The following POLG2 variants were observed in gnomAD, a reference collection of about 807,000 sequenced individuals.
POLG2 encodes DNA polymerase subunit gamma-2.
POLG2 carries 50 observed loss-of-function variants against 56.5 expected under a neutral mutation model. The ratio of observed to expected loss-of-function variants is 0.88; its 90% CI spans 0.71 to 1.12. The LOEUF is 1.12. POLG2 is among the 50% of genes most tolerant of loss of function. The probability of loss-of-function intolerance (pLI) is 0.00; values close to 1 mark genes in which losing one functional copy is unlikely to be tolerated. For missense variants in POLG2, 584 were observed against 583.3 expected (o/e 1.00, Z -0.01); for synonymous variants, 226 against 222.6 (o/e 1.02, Z -0.14).
chr17:64,480,744 G>A (rs1430287453), intron 6 of POLG2, among the ~76,000 whole-genome samples: 1 of 152,152 alleles, frequency 6.6e-6, no homozygotes, highest in Non-Finnish European at 1.5e-5. Context: ...TATGAACTCA[G>A]AGCCCTCATC....
intron 7 of POLG2, among the ~76,000 whole-genome samples, chr17:64,478,495 A>T (rs1331641345): frequency 6.6e-6 from 1 of 152,210 alleles, no homozygotes; most frequent in Non-Finnish European, 1.5e-5. Context: ...TATGCTTACC[A>T]AGTCACACTA....
chr17:64,491,583 C>T, intron 3 of POLG2: 1 of 1,551,100 alleles, frequency 6.4e-7, no homozygotes, highest in South Asian at 1.1e-5. Context: ...AGGGGAGCTG[C>T]CAAGCTGGAT....
At chr17:64,492,150 C>T (rs1168727736) in intron 3 of POLG2, among the ~76,000 whole-genome samples, 3 of 152,142 alleles carry the variant, frequency 2.0e-5, no homozygotes, top group African/African-American at 7.2e-5. Flanking sequence ...CTCATTCTTA[C>T]CCTTCTGCGA....
At chr17:64,493,800 T>A (rs1555669016) in intron 1 of POLG2, among the ~76,000 whole-genome samples, 1 of 152,200 alleles carries the variant, frequency 6.6e-6, no homozygotes, top group Non-Finnish European at 1.5e-5. Flanking sequence ...TTTTCAAATC[T>A]ATAAGAAAGT....
At chr17:64,489,931 GTT>G (rs782470895) in intron 4 of POLG2, among the ~76,000 whole-genome samples, 1 of 143,466 alleles carries the variant, frequency 7.0e-6, no homozygotes. Flanking sequence ...TAATTTTTTT[GTT>G]TTTTTTTTTT....
rs782309871 is a variant in POLG2, at chr17:64,477,960, CTG to C, written c.1319_1320del (p.Thr440SerfsTer5). On this transcript the variant is annotated frameshift_variant, in exon 8 of 8. Coordinates refer to ENST00000539111, the MANE Select transcript of POLG2 (RefSeq NM_007215.4). LOFTEE classifies it high-confidence loss of function. ...TCCAAAGTAGTTTCAGTAACCAAAA[CTG>C]TGAAGAGAATACTCATTTCATCATA... The part of the protein sequence containing the change: ...SKYDEMSILF[T>X]VLVTETTLEN... 1.4e-5 allele frequency: 23 copies of C among 1,613,800 alleles called. No individual in the cohort carries two copies. Among genetic ancestry groups the C allele is most frequent in the Non-Finnish European group, 1.4e-5 (16 of 1,179,942 alleles).
At chr17:64,486,197 G>A (rs1348712613) in intron 4 of POLG2, among the ~76,000 whole-genome samples, 1 of 152,122 alleles carries the variant, frequency 6.6e-6, no homozygotes, top group Non-Finnish European at 1.5e-5. Flanking sequence ...TCATCAGCGA[G>A]GCCCAAATGT....
chr17:64,492,398 A>G (rs1379051725), intron 3 of POLG2, among the ~76,000 whole-genome samples: 2 of 152,230 alleles, frequency 1.3e-5, no homozygotes, highest in African/African-American at 4.8e-5. Context: ...CAAACTCTAC[A>G]TCAGCCAGGA....
In POLG2 at chr17:64,490,817, A is replaced by C. The variant is rs782818005; in HGVS notation, c.948T>G (p.Pro316=). The change falls in exon 4 of 8, where the codon CCT becomes CCG. Residue 316 remains proline, a synonymous_variant. Transcript: ENST00000539111. ...LGDHELLHMY[P]GNVSKLHGRD... is the part of the protein sequence containing the mutation. Reference sequence around the variant, plus strand: ...ATACATGTAATTTAGACACATTGCCAGGATACATGTGTAAAAGTTCGTGAT... The same window carrying C: ...ATACATGTAATTTAGACACATTGCCCGGATACATGTGTAAAAGTTCGTGAT... The C allele has an allele frequency of 6.2e-7, 1 of 1,613,004 alleles. No homozygotes were observed. The highest frequency in any genetic ancestry group is 1.1e-5 in the South Asian group (1 of 91,054).
intron 1 of POLG2, among the ~76,000 whole-genome samples, 181 bp downstream of exon 1, chr17:64,496,226 C>A (rs2038148153): frequency 6.6e-6 from 1 of 152,172 alleles, no homozygotes; most frequent in Non-Finnish European, 1.5e-5. Flanking sequence ...AGCAATGATT[C>A]CATGGACCAG....
intron 4 of POLG2, among the ~76,000 whole-genome samples, chr17:64,488,686 G>A (rs2038000458): frequency 6.6e-6 from 1 of 152,244 alleles, no homozygotes; most frequent in African/African-American, 2.4e-5. Context: ...CCAAAATGAA[G>A]TGTGATGGTG....
At chr17:64,485,470 G>A (rs782085485) in intron 5 of POLG2, 8 of 464,288 alleles carry the variant, frequency 1.7e-5, no homozygotes, top group Admixed American at 6.8e-5. Context: ...CAGGGGCTAG[G>A]AGTCATAGAG....
At chr17:64,491,002 A>G in intron 3 of POLG2, 33 bp from the exon 4 acceptor site, 1 of 1,515,668 alleles carries the variant, frequency 6.6e-7, no homozygotes, top group Non-Finnish European at 9.2e-7. Flanking sequence ...GTCTTAACAT[A>G]TTTAAATAAA....
chr17:64,491,112 TAA>T, intron 3 of POLG2, 143 bp from the exon 4 acceptor site: 1 of 702,830 alleles, frequency 1.4e-6, no homozygotes, highest in Non-Finnish European at 2.4e-6. Context: ...ATACAAATTT[TAA>T]AGTTTATTCT....
Position 64,490,909 on chromosome 17 carries a change from C to G in POLG2, c.856G>C (p.Gly286Arg). ...SDCQDEEGRK[G>R]NKLYYNFPWG... is the part of the protein sequence containing the mutation. The stretch of plus-strand genomic sequence containing the variant: ...GGAAAATTGTAGTAAAGTTTGTTTC[C>G]TTTCCGGCCTTCTTCATCCTGACAG... Residue 286 changes from glycine to arginine, a missense_variant, in exon 4 of 8, where the codon GGA (glycine) becomes CGA (arginine). Physicochemically the swap from Gly to Arg is moderately radical, Grantham distance 125. Transcript: ENST00000539111. The G allele has an allele frequency of 6.2e-7, 1 of 1,613,912 alleles. No individual in the cohort carries two copies. Among genetic ancestry groups the G allele is most frequent in the Non-Finnish European group, 8.5e-7 (1 of 1,179,830 alleles).
chr17:64,477,966 A>G lies in POLG2; in HGVS notation c.1315T>C (p.Phe439Leu), dbSNP rs2037794198. 3 of 1,613,972 alleles carry G rather than the reference A, an allele frequency of 1.9e-6. No individual in the cohort carries two copies. The highest frequency in any genetic ancestry group is 1.7e-4 in the Middle Eastern group (1 of 6,046). Residue 439 changes from phenylalanine (F) to leucine (L), a missense_variant, in exon 8 of 8, where the codon TTC becomes CTC. Transcript: ENST00000539111. ...YSKYDEMSIL[F>L]TVLVTETTLE... Reference sequence around the variant, plus strand: ...GTAGTTTCAGTAACCAAAACTGTGAAGAGAATACTCATTTCATCATACCTA... The same window carrying G: ...GTAGTTTCAGTAACCAAAACTGTGAGGAGAATACTCATTTCATCATACCTA...
intron 3 of POLG2, chr17:64,491,644 G>T: frequency 6.9e-7 from 1 of 1,440,148 alleles, no homozygotes; most frequent in Non-Finnish European, 9.7e-7. Flanking sequence ...TTTCAAAGAG[G>T]TTACTACTGG....
At chr17:64,481,038 C>A (rs1555666402) in intron 6 of POLG2, among the ~76,000 whole-genome samples, 2 of 152,182 alleles carry the variant, frequency 1.3e-5, no homozygotes, top group African/African-American at 4.8e-5. Context: ...CCTTAACAGT[C>A]TAGCACCAAC....
rs146699284 is a variant in POLG2, at chr17:64,492,937, T to G, written c.647A>C (p.His216Pro). ...YGLAQIGVCF[H>P]PVFDTKQIRN... ...TATCTGCTTAGTGTCAAAAACAGGA[T>G]GAAAACACACTCCAATCTGAGCAAG... The change falls in exon 2 of 8, where the codon CAT becomes CCT. Residue 216 changes from histidine to proline, a missense_variant. Coordinates refer to ENST00000539111, the MANE Select transcript of POLG2 (RefSeq NM_007215.4). The G allele has an allele frequency of 6.2e-7, 1 of 1,614,102 alleles. No individual in the cohort carries two copies. The highest frequency in any genetic ancestry group is 1.7e-5 in the Admixed American group (1 of 60,018).
Sources: allele counts gnomAD v4.1 joint callset (sites outside exome capture counted in the v4.1 genomes callset), GRCh38; gene constraint gnomAD v4.1.1; transcripts MANE v1.5; gene names NCBI Gene and HGNC (gene_info 2026-07-23, HGNC 2026-07-21).